Variants in DOCK10 observed in about 807,000 individuals in gnomAD.
The protein encoded by DOCK10 is dedicator of cytokinesis protein 10.
DOCK10 carries 145 observed loss-of-function variants against 280.1 expected under a neutral mutation model. The observed-to-expected ratio is 0.52, with a 90% CI of 0.45 to 0.59. The LOEUF (loss-of-function observed/expected upper bound fraction) is 0.59, where lower values mean the gene tolerates loss of function less well. Among genes scored for constraint, DOCK10 ranks in the 20% least tolerant of loss-of-function variants. DOCK10 has a pLI of 0.00. For synonymous variants in DOCK10, 915 were observed against 942.2 expected (o/e 0.97, Z 0.53); for missense variants, 2,368 against 2,651.7 (o/e 0.89, Z 2.35).
intron 19 of DOCK10, among the ~76,000 whole-genome samples, chr2:224,848,347 A>G (rs1696499592): frequency 6.6e-6 from 1 of 152,194 alleles, no homozygotes; most frequent in African/African-American, 2.4e-5. Context: ...CACTAGTCAG[A>G]CCTTCACTTT....
At chr2:224,994,375 T>C (rs1706209705) in intron 1 of DOCK10, among the ~76,000 whole-genome samples, 1 of 152,196 alleles carries the variant, frequency 6.6e-6, no homozygotes, top group Non-Finnish European at 1.5e-5. Flanking sequence ...TTAAGTGAGA[T>C]AATATGTATA....
chr2:224,886,767 A>G (rs1164244683), intron 4 of DOCK10, among the ~76,000 whole-genome samples: 1 of 152,036 alleles, frequency 6.6e-6, no homozygotes. Flanking sequence ...AATTATATAT[A>G]TATATTTGAG....
At chr2:224,911,257 G>T (rs1482327643) in intron 3 of DOCK10, among the ~76,000 whole-genome samples, 1 of 152,148 alleles carries the variant, frequency 6.6e-6, no homozygotes, top group Non-Finnish European at 1.5e-5. Context: ...CCCCCAAGGA[G>T]CAATAATAAA....
At chr2:225,022,556 A>T (rs1451884897) in intron 1 of DOCK10, among the ~76,000 whole-genome samples, 2 of 152,202 alleles carry the variant, frequency 1.3e-5, no homozygotes, top group Non-Finnish European at 2.9e-5. Context: ...CTTAACTGTT[A>T]ATCTAAACTT....
At chr2:225,008,372 T>C (rs1438968358) in intron 1 of DOCK10, among the ~76,000 whole-genome samples, 1 of 152,200 alleles carries the variant, frequency 6.6e-6, no homozygotes, top group Non-Finnish European at 1.5e-5. Flanking sequence ...GTGGACACTT[T>C]TTCTTCTGAG....
intron 1 of DOCK10, among the ~76,000 whole-genome samples, chr2:224,998,379 C>G (rs1037287728): frequency 4.6e-5 from 7 of 152,096 alleles, no homozygotes; most frequent in Admixed American, 4.6e-4. Flanking sequence ...TGGCTCAACA[C>G]CTTGGTATTA....
intron 7 of DOCK10, among the ~76,000 whole-genome samples, chr2:224,876,819 T>C (rs1698659591): frequency 6.6e-6 from 1 of 152,176 alleles, no homozygotes. Flanking sequence ...CTTCTTCTCA[T>C]GACCTCTAGT....
Position 224,949,020 on chromosome 2 carries a change from G to A in DOCK10, c.124-17352C>T, listed in dbSNP as rs181809028. On this transcript the variant is annotated intron_variant, in intron 1 of 55. Transcript: ENST00000258390. ...TCCATTTCCTCAGCTGCTAATCATA[G>A]CTTCCTGAAATATTGGCAAAAAGAG... 3.7e-3 allele frequency among the ~76,000 whole-genome samples: 566 copies of A among 152,202 alleles called. 2 individuals are homozygous for A. The highest frequency in any genetic ancestry group is 5.4e-3 in the Non-Finnish European group (365 of 68,014).
At chr2:224,976,723 G>A (rs1215512737) in intron 1 of DOCK10, among the ~76,000 whole-genome samples, 20 of 150,980 alleles carry the variant, frequency 1.3e-4, no homozygotes, top group South Asian at 4.2e-4. Flanking sequence ...TTGAGGCCAC[G>A]TCATTCACCA....
chr2:224,939,023 T>C (rs760022476), intron 1 of DOCK10, among the ~76,000 whole-genome samples: 2 of 152,222 alleles, frequency 1.3e-5, no homozygotes, highest in Non-Finnish European at 2.9e-5. Context: ...AGTTAACAAC[T>C]GTGCAGCTGG....
At chr2:224,827,092 G>A (rs568533723) in intron 27 of DOCK10, among the ~76,000 whole-genome samples, 12 of 151,902 alleles carry the variant, frequency 7.9e-5, no homozygotes, top group Non-Finnish European at 1.6e-4. Context: ...GTGAAACCCC[G>A]TCTCTACTAA....
intron 2 of DOCK10, among the ~76,000 whole-genome samples, chr2:224,921,104 A>ATATATATATATATAT (rs1553613910): frequency 6.0e-5 from 3 of 50,012 alleles, no homozygotes; most frequent in African/African-American, 3.5e-4. Context: ...AAAAAAAAAA[A>ATATATATATATATAT]AAAAAAAAAT....
chr2:224,993,207 T>TC (rs946962795), intron 1 of DOCK10, among the ~76,000 whole-genome samples: 6 of 151,930 alleles, frequency 3.9e-5, no homozygotes, highest in Non-Finnish European at 8.8e-5. Flanking sequence ...TGGAAGTTTT[T>TC]TTTTTTTTTT....
chr2:224,826,517 C>T (rs1179971448), intron 27 of DOCK10, among the ~76,000 whole-genome samples: 2 of 151,614 alleles, frequency 1.3e-5, no homozygotes, highest in African/African-American at 4.9e-5. Context: ...AAACCATTCA[C>T]TTCACAATTT....
intron 2 of DOCK10, 23 bp from the exon 3 acceptor site, chr2:224,916,807 A>G (rs1255712108): frequency 1.6e-5 from 26 of 1,586,280 alleles, no homozygotes; most frequent in Non-Finnish European, 2.1e-5. Context: ...ATGAAAAGAA[A>G]TTGAGTCCTC....
At chr2:224,875,886 AGATTTAGGAGT>A (rs1312454054) in intron 8 of DOCK10, among the ~76,000 whole-genome samples, 141 bp downstream of exon 8, 1 of 152,122 alleles carries the variant, frequency 6.6e-6, no homozygotes, top group Non-Finnish European at 1.5e-5. Context: ...TGTGCAGTAA[AGATTTAGGAGT>A]GATTTAGTGA....
intron 14 of DOCK10, among the ~76,000 whole-genome samples, chr2:224,857,615 T>G (rs1697230761): frequency 6.6e-6 from 1 of 152,178 alleles, no homozygotes; most frequent in Non-Finnish European, 1.5e-5. Context: ...TTAGGCTTAG[T>G]TGAAACACAT....
intron 9 of DOCK10, 117 bp downstream of exon 9, chr2:224,874,549 T>A: frequency 9.2e-7 from 1 of 1,089,208 alleles, no homozygotes; most frequent in South Asian, 1.3e-5. Context: ...TAACGGGAAG[T>A]TCCAAATTAG....
chr2:224,831,278 A>G (rs898423626), intron 26 of DOCK10, among the ~76,000 whole-genome samples: 3 of 152,146 alleles, frequency 2.0e-5, no homozygotes, highest in Non-Finnish European at 4.4e-5. Context: ...TCAAATTTCA[A>G]AGGTTAGAGG....
Sources: gnomAD v4.1 joint callset for allele counts (sites outside exome capture counted in the v4.1 genomes callset) on GRCh38, gnomAD v4.1.1 for gene constraint, MANE v1.5 for transcripts, NCBI Gene and HGNC (gene_info 2026-07-23, HGNC 2026-07-21) for gene names.